Variants in ABCC4 observed in about 807,000 individuals in gnomAD.
The protein encoded by ABCC4 is ATP binding cassette subfamily C member 4 (PEL blood group), also known as ATP-binding cassette sub-family C member 4.
In ABCC4, 102 loss-of-function variants were observed where a neutral mutation model predicts 168.5. That is an observed-to-expected ratio of 0.61 (90% CI 0.52 to 0.71). The LOEUF (loss-of-function observed/expected upper bound fraction) is 0.71, where lower values mean the gene tolerates loss of function less well. Ranked by LOEUF, ABCC4 falls within the 30% of genes least tolerant of loss-of-function variation. The pLI, the probability that ABCC4 is intolerant of heterozygous loss-of-function variation, is 0.00. For missense variants in ABCC4, 1,402 were observed against 1,605.8 expected, an observed-to-expected ratio of 0.87 and a Z score of 2.17; for synonymous variants, 617 against 590.7, an observed-to-expected ratio of 1.04 and a Z score of -0.65.
intron 1 of ABCC4, among the ~76,000 whole-genome samples, chr13:95,260,460 A>G (rs2040503275): frequency 6.6e-6 from 1 of 152,202 alleles, no homozygotes; most frequent in Non-Finnish European, 1.5e-5. Context: ...GTTATCAGCC[A>G]GGTCTGGGAA....
intron 30 of ABCC4, among the ~76,000 whole-genome samples, chr13:95,032,821 C>T (rs541526631): frequency 1.5e-4 from 23 of 151,576 alleles, no homozygotes; most frequent in African/African-American, 4.8e-4. Context: ...TGTGCCACCA[C>T]GCCCAGCTAA....
In ABCC4 at chr13:95,140,240, A is replaced by G. The variant is rs183460073; in HGVS notation, c.2455+20949T>C. On this transcript the variant is annotated intron_variant, in intron 19 of 30. Transcript: ENST00000645237. ...TTCCTCAACTCTGGGGACTATCCCC[A>G]GTCTCTGTATTCCTTAGAGAGAAGA... Among the ~76,000 whole-genome samples the G allele has an allele frequency of 6.0e-4, 92 of 152,362 alleles. No individual in the cohort carries two copies. The Middle Eastern group carries it at 0.014, about 23-fold the overall frequency.
At chr13:95,244,840 G>GC (rs760831836) in intron 3 of ABCC4, among the ~76,000 whole-genome samples, 12 of 151,434 alleles carry the variant, frequency 7.9e-5, no homozygotes, top group Admixed American at 6.6e-4. Flanking sequence ...CTGAGCATGA[G>GC]CCCCCATATT....
At chr13:95,070,906 T>A (rs866485547) in intron 25 of ABCC4, among the ~76,000 whole-genome samples, 6 of 152,210 alleles carry the variant, frequency 3.9e-5, no homozygotes, top group Non-Finnish European at 7.3e-5. Flanking sequence ...AAGGGCCTGA[T>A]AATGTTTGGC....
intron 30 of ABCC4, among the ~76,000 whole-genome samples, chr13:95,029,213 TAGAGAGAGAG>T (rs1193218745): frequency 2.7e-4 from 10 of 36,880 alleles, no homozygotes; most frequent in African/African-American, 1.0e-3. Flanking sequence ...TATATATATA[TAGAGAGAGAG>T]AGAGAGAGAG....
At chr13:95,283,688 T>A (rs9524887) in intron 1 of ABCC4, among the ~76,000 whole-genome samples, 1 of 151,176 alleles carries the variant, frequency 6.6e-6, no homozygotes, top group Non-Finnish European at 1.5e-5. Flanking sequence ...GAGGCCGAGG[T>A]GGGTGGATCA....
At chr13:95,156,565 G>A (rs2036862538) in intron 19 of ABCC4, among the ~76,000 whole-genome samples, 1 of 152,140 alleles carries the variant, frequency 6.6e-6, no homozygotes, top group Non-Finnish European at 1.5e-5. Context: ...ACAGGGCTAA[G>A]ACACACACAA....
intron 9 of ABCC4, among the ~76,000 whole-genome samples, chr13:95,189,475 A>G (rs1314300307): frequency 1.3e-5 from 2 of 152,134 alleles, no homozygotes; most frequent in Non-Finnish European, 2.9e-5. Context: ...GTAAATTTTC[A>G]TTCTGTCCCT....
intron 20 of ABCC4, among the ~76,000 whole-genome samples, chr13:95,098,959 C>T (rs1023059713): frequency 6.6e-6 from 1 of 152,146 alleles, no homozygotes; most frequent in African/African-American, 2.4e-5. Context: ...TATAAAAATC[C>T]TTGTCATAGT....
intron 19 of ABCC4, among the ~76,000 whole-genome samples, chr13:95,146,838 A>C (rs2036515980): frequency 6.6e-6 from 1 of 152,192 alleles, no homozygotes; most frequent in African/African-American, 2.4e-5. Flanking sequence ...AAGATTCCAA[A>C]TGTATTGTAC....
intron 20 of ABCC4, among the ~76,000 whole-genome samples, chr13:95,088,380 A>C (rs2034324113): frequency 6.6e-6 from 1 of 152,222 alleles, no homozygotes; most frequent in African/African-American, 2.4e-5. Context: ...AAATTTGAAA[A>C]CATGATTAAT....
chr13:95,083,002 T>C, intron 21 of ABCC4, 138 bp downstream of exon 21: 1 of 940,376 alleles, frequency 1.1e-6, no homozygotes, highest in Non-Finnish European at 1.6e-6. Flanking sequence ...TGATTCATAA[T>C]GGCCAATACG....
intron 29 of ABCC4, among the ~76,000 whole-genome samples, chr13:95,041,693 C>A (rs72642340): frequency 0.08 from 12,090 of 151,472 alleles, 679 homozygotes; most frequent in Non-Finnish European, 0.13. Context: ...AACAAACAAA[C>A]AAAAAAAACA....
chr13:95,105,559 G>A (rs2139384905), intron 20 of ABCC4, among the ~76,000 whole-genome samples: 1 of 152,278 alleles, frequency 6.6e-6, no homozygotes, highest in East Asian at 1.9e-4. Context: ...CTCCATTAGT[G>A]CTGCTATTGG....
intron 1 of ABCC4, among the ~76,000 whole-genome samples, chr13:95,279,323 AG>A (rs755987474): frequency 2.1e-4 from 32 of 152,232 alleles, no homozygotes; most frequent in Non-Finnish European, 4.6e-4. Context: ...CAGGCAGCCC[AG>A]CCTCCTATAT....
At position 95,209,461 on chromosome 13, in the gene ABCC4, C is replaced by T; in HGVS notation, c.758G>A (p.Cys253Tyr). ...CAGTGATGAGAACAACTTCCCAAAA[C>T]AGCTTTGCAAGGGCAGGAGAATGAT... Reference protein sequence around the residue: ...VLIILLPLQSCFGKLFSSLRS... With the variant: ...VLIILLPLQSYFGKLFSSLRS... The change falls in exon 6 of 31, where the codon TGT becomes TAT. Residue 253 changes from cysteine to tyrosine, a missense_variant. Around this residue, in one of 3 missense-constraint regions of ABCC4, gnomAD observed 317 missense variants for 345.5 expected, o/e 0.92. Coordinates refer to ENST00000645237, the MANE Select transcript of ABCC4 (RefSeq NM_005845.5). The T allele has an allele frequency of 6.2e-7, 1 of 1,614,160 alleles. No individual in the cohort carries two copies. The highest frequency in any genetic ancestry group is 8.5e-7 in the Non-Finnish European group (1 of 1,179,988).
chr13:95,109,589 G>A (rs1432760496), intron 20 of ABCC4, among the ~76,000 whole-genome samples: 2 of 152,234 alleles, frequency 1.3e-5, no homozygotes, highest in African/African-American at 4.8e-5. Context: ...ACATATGGCT[G>A]CACTGTGAGA....
intron 30 of ABCC4, among the ~76,000 whole-genome samples, chr13:95,031,922 T>C (rs2031895614): frequency 6.6e-6 from 1 of 152,184 alleles, no homozygotes; most frequent in South Asian, 2.1e-4. Flanking sequence ...TTTTGATATA[T>C]AGATAGGGAC....
At chr13:95,298,079 A>T (rs1371189954) in intron 1 of ABCC4, among the ~76,000 whole-genome samples, 1 of 152,190 alleles carries the variant, frequency 6.6e-6, no homozygotes, top group African/African-American at 2.4e-5. Flanking sequence ...ACCTGAGGTC[A>T]GGAGTTCAAG....
Sources: gnomAD v4.1 joint callset for allele counts (sites outside exome capture counted in the v4.1 genomes callset) on GRCh38, gnomAD v4.1.1 for gene constraint, gnomAD v4.1.1 regional missense constraint, MANE v1.5 for transcripts, NCBI Gene and HGNC (gene_info 2026-07-23, HGNC 2026-07-21) for gene names.